Variants in SMAP2 observed in about 807,000 individuals in gnomAD.
SMAP2 encodes the protein stromal membrane-associated protein 2.
A neutral mutation model predicts 56.4 loss-of-function variants in SMAP2; 25 were observed. That is an observed-to-expected ratio of 0.44 (90% confidence interval 0.32 to 0.62). The LOEUF (loss-of-function observed/expected upper bound fraction) is 0.62. SMAP2 is among the 20% of genes least tolerant of loss of function. The probability of loss-of-function intolerance (pLI) is 0.04; values close to 1 mark genes in which losing one functional copy is unlikely to be tolerated. For synonymous variants in SMAP2, 157 were observed against 181.7 expected, an observed-to-expected ratio of 0.86 and a Z score of 1.09; for missense variants, 388 against 545.6, an observed-to-expected ratio of 0.71 and a Z score of 2.88.
At chr1:40,399,254 C>G (rs1644803807) in intron 1 of SMAP2, among the ~76,000 whole-genome samples, 1 of 151,892 alleles carries the variant, frequency 6.6e-6, no homozygotes, top group African/African-American at 2.4e-5. Context: ...ACGTGATTCT[C>G]CTGCCTTAGC....
intron 1 of SMAP2, among the ~76,000 whole-genome samples, chr1:40,384,054 G>A (rs1276574439): frequency 6.6e-6 from 1 of 152,034 alleles, no homozygotes; most frequent in Non-Finnish European, 1.5e-5. Context: ...GTACCTCCAT[G>A]CCCAGCTAAT....
chr1:40,393,540 A>G, intron 1 of SMAP2: 3 of 1,323,234 alleles, frequency 2.3e-6, no homozygotes, highest in Non-Finnish European at 3.0e-6. Context: ...AGTTCTTCTA[A>G]CTTTTTTTTT....
At chr1:40,383,985 C>G (rs755412211) in intron 1 of SMAP2, among the ~76,000 whole-genome samples, 20 of 152,140 alleles carry the variant, frequency 1.3e-4, no homozygotes, top group Non-Finnish European at 2.6e-4. Flanking sequence ...CCTCCTCTGG[C>G]TCCCGGGTTC....
intron 1 of SMAP2, among the ~76,000 whole-genome samples, chr1:40,359,555 G>A (rs2124173501): frequency 6.6e-6 from 1 of 152,160 alleles, no homozygotes; most frequent in African/African-American, 2.4e-5. Context: ...CTGCCACTTT[G>A]TTATTTGTTT....
intron 1 of SMAP2, among the ~76,000 whole-genome samples, chr1:40,401,188 G>A (rs1209183154): frequency 5.3e-5 from 8 of 152,168 alleles, no homozygotes; most frequent in Non-Finnish European, 7.4e-5. Flanking sequence ...GCGTGAACTC[G>A]GGAGGCGGAA....
At chr1:40,402,597 G>A (rs978767133) in intron 1 of SMAP2, among the ~76,000 whole-genome samples, 1 of 151,858 alleles carries the variant, frequency 6.6e-6, no homozygotes, top group African/African-American at 2.4e-5. Flanking sequence ...TTACAGGCAC[G>A]TGCCACCATG....
chr1:40,350,075 C>T (rs1644404004), intron 1 of SMAP2, among the ~76,000 whole-genome samples: 1 of 152,100 alleles, frequency 6.6e-6, no homozygotes, highest in Admixed American at 6.6e-5. Flanking sequence ...GGTTTGTGAC[C>T]ATGTGTTCCC....
intron 2 of SMAP2, among the ~76,000 whole-genome samples, chr1:40,362,652 C>G (rs1644464353): frequency 6.6e-6 from 1 of 152,102 alleles, no homozygotes; most frequent in South Asian, 2.1e-4. Context: ...TCAGATCTTG[C>G]CTTTTCCCCC....
intron 1 of SMAP2, among the ~76,000 whole-genome samples, chr1:40,356,405 G>GTT (rs71060371): frequency 1.8e-4 from 21 of 115,646 alleles, no homozygotes; most frequent in East Asian, 2.2e-4. Flanking sequence ...TGGGTTTTTT[G>GTT]TTTTTTTTTG....
intron 1 of SMAP2, among the ~76,000 whole-genome samples, chr1:40,401,263 AAAAC>A (rs1476656335): frequency 4.6e-5 from 7 of 152,194 alleles, no homozygotes; most frequent in African/African-American, 1.7e-4. Context: ...ATTCCGTCTC[AAAAC>A]AAACAAACAC....
At chr1:40,417,226 T>G (rs1254085915) in intron 9 of SMAP2, 130 bp downstream of exon 9, 1 of 645,614 alleles carries the variant, frequency 1.5e-6, no homozygotes, top group Non-Finnish European at 2.5e-6. Context: ...TTGTTAGGTT[T>G]GCTTTTTTTT....
At position 40,422,186 on chromosome 1, in the gene SMAP2, T is replaced by C. The variant is rs984377249; in HGVS notation, c.*85T>C. ...CTCCACCCCTGACCCCCATCCTCTT[T>C]TCCTACCTCTCTGTTTGGTTTAGAA... is the stretch of plus-strand genomic sequence containing the variant. On this transcript the variant is annotated 3_prime_UTR_variant, in exon 10 of 10. Transcript: ENST00000372718. 1.9e-6 allele frequency: 3 copies of C among 1,545,372 alleles called. No homozygotes were observed. Among genetic ancestry groups the C allele is most frequent in the Non-Finnish European group, 2.6e-6 (3 of 1,141,616 alleles).
chr1:40,347,845 T>G (rs1471828658), intron 1 of SMAP2, among the ~76,000 whole-genome samples: 1 of 152,346 alleles, frequency 6.6e-6, no homozygotes, highest in East Asian at 1.9e-4. Context: ...TTTAAAAACA[T>G]ACATTAAATG....
At chr1:40,413,685 A>G (rs1644959509) in intron 5 of SMAP2, among the ~76,000 whole-genome samples, 1 of 152,218 alleles carries the variant, frequency 6.6e-6, no homozygotes, top group Non-Finnish European at 1.5e-5. Context: ...TCTGAATCAC[A>G]TTGTCTGTGG....
chr1:40,356,201 C>T (rs757859812), intron 1 of SMAP2, among the ~76,000 whole-genome samples: 51 of 152,242 alleles, frequency 3.3e-4, no homozygotes, highest in Non-Finnish European at 5.6e-4. Flanking sequence ...ATTGTATGTA[C>T]GTACCACATT....
At chr1:40,411,901 G>T (rs1382655697) in intron 4 of SMAP2, among the ~76,000 whole-genome samples, 2 of 151,960 alleles carry the variant, frequency 1.3e-5, no homozygotes, top group African/African-American at 4.8e-5. Flanking sequence ...TATCTTCTTG[G>T]TGTGTTCCCC....
At chr1:40,373,003 C>T (rs1206040103), upstream of SMAP2, among the ~76,000 whole-genome samples, 1 of 152,222 alleles carries the variant, frequency 6.6e-6, no homozygotes, top group Non-Finnish European at 1.5e-5. Context: ...GTTTAATAAT[C>T]ATTTTTAAGG....
intron 9 of SMAP2, among the ~76,000 whole-genome samples, chr1:40,420,473 TA>T (rs984664773): frequency 6.6e-6 from 1 of 152,198 alleles, no homozygotes; most frequent in Non-Finnish European, 1.5e-5. Flanking sequence ...TGATATTTTT[TA>T]AAAACCAGGT....
At chr1:40,410,132 G>GCTA (rs1418846725) in intron 4 of SMAP2, among the ~76,000 whole-genome samples, 1 of 151,818 alleles carries the variant, frequency 6.6e-6, no homozygotes, top group East Asian at 1.9e-4. Flanking sequence ...GTAATAACCA[G>GCTA]CTACTTGGGA....
Sources: allele counts gnomAD v4.1 joint callset (sites outside exome capture counted in the v4.1 genomes callset), GRCh38; gene constraint gnomAD v4.1.1; transcripts MANE v1.5; gene names NCBI Gene and HGNC (gene_info 2026-07-23, HGNC 2026-07-21).